Variants in EIF3L observed in about 807,000 individuals in gnomAD.
EIF3L encodes eukaryotic translation initiation factor 3 subunit L.
Under a neutral mutation model 74.6 loss-of-function variants are expected in EIF3L, and 32 were observed. The ratio of observed to expected loss-of-function variants is 0.43; its 90% CI spans 0.32 to 0.58. The LOEUF is 0.58. Ranked by LOEUF, EIF3L falls within the 20% of genes least tolerant of loss-of-function variation. The pLI, the probability that EIF3L is intolerant of heterozygous loss-of-function variation, is 0.06. For missense variants in EIF3L, 474 were observed against 707.8 expected (o/e 0.67, Z 3.75); for synonymous variants, 256 against 254.4 (o/e 1.01, Z -0.06).
At position 37,877,702 on chromosome 22, in the gene EIF3L, C is replaced by T. The variant is rs762298655; in HGVS notation, c.1106C>T (p.Ala369Val). 10 of 1,608,542 alleles carry T rather than the reference C, an allele frequency of 6.2e-6. No individual in the cohort carries two copies. Among genetic ancestry groups the T allele is most frequent in the East Asian group, 2.2e-5 (1 of 44,848 alleles). Residue 369 changes from alanine to valine, a missense_variant, in exon 11 of 13, where the codon GCG becomes GTG. Ala to Val is a moderately conservative substitution (Grantham distance 64). Around this residue, in one of 4 missense-constraint regions of EIF3L, gnomAD observed 293 missense variants for 469.1 expected, o/e 0.62. Coordinates refer to ENST00000652021, the MANE Select transcript of EIF3L (RefSeq NM_016091.4). ...AACAAGCAGAATGAGCAGATGCATG[C>T]GCTGCTGGCCATTGCCCTCACGATG... The part of the protein sequence containing the change: ...MINKQNEQMH[A>V]LLAIALTMYP...
chr22:37,854,252 A>C (rs1925378326), intron 3 of EIF3L, among the ~76,000 whole-genome samples: 1 of 152,222 alleles, frequency 6.6e-6, no homozygotes, highest in Admixed American at 6.5e-5. Flanking sequence ...TGAGGAAGAG[A>C]GTATCACCAA....
At chr22:37,884,598 G>A (rs1369167904) in intron 11 of EIF3L, 4 of 152,072 alleles carry the variant, frequency 2.6e-5, no homozygotes, top group East Asian at 3.8e-4. Flanking sequence ...GTAATAACAC[G>A]TCAGTAGTGG....
At chr22:37,887,040 C>A in intron 12 of EIF3L, 195 bp downstream of exon 12, 1 of 410,480 alleles carries the variant, frequency 2.4e-6, no homozygotes, top group Non-Finnish European at 4.8e-6. Context: ...GCGAGTCTCC[C>A]TCCTCAGCCT....
intron 11 of EIF3L, chr22:37,882,691 A>G (rs1439623369): frequency 6.6e-6 from 1 of 151,496 alleles, no homozygotes; most frequent in African/African-American, 2.4e-5. Flanking sequence ...AAAGAAAAAA[A>G]CATAATTTTT....
chr22:37,886,914 CTT>C, intron 12 of EIF3L, 69 bp downstream of exon 12: 1 of 1,290,500 alleles, frequency 7.7e-7, no homozygotes, highest in Non-Finnish European at 1.1e-6. Flanking sequence ...CGAGAGTTTA[CTT>C]TTTTTTAATT....
In EIF3L at chr22:37,851,172, G is replaced by A. The variant is rs1488363473; in HGVS notation, c.83-108G>A. The A allele has an allele frequency of 3.7e-6, 3 of 813,548 alleles. No individual in the cohort carries two copies. The East Asian group carries it at 7.7e-5, about 21-fold the overall frequency. 50.4% of individuals were successfully genotyped at this position (813,548 alleles called of 1,614,324 possible). On this transcript the variant is annotated intron_variant, in intron 2 of 12. Coordinates refer to ENST00000652021, the MANE Select transcript of EIF3L (RefSeq NM_016091.4). ...TGTTTGTATCTCTGAGTATTCAAAAGGGAATTTTACGCAGACCTGAGTTTA... is the reference window on the plus strand; with the variant it reads ...TGTTTGTATCTCTGAGTATTCAAAAAGGAATTTTACGCAGACCTGAGTTTA...
intron 10 of EIF3L, chr22:37,876,646 G>C (rs746789134): frequency 6.6e-6 from 1 of 152,120 alleles, no homozygotes; most frequent in Admixed American, 6.6e-5. Context: ...TTTCTGTTGT[G>C]ATGCCTGTTA....
chr22:37,869,613 C>A (rs1926365236), intron 7 of EIF3L, among the ~76,000 whole-genome samples: 1 of 152,108 alleles, frequency 6.6e-6, no homozygotes, highest in African/African-American at 2.4e-5. Context: ...TACTTCTGTC[C>A]CAAACAGATT....
intron 5 of EIF3L, among the ~76,000 whole-genome samples, chr22:37,861,146 T>C (rs1050775182): frequency 1.5e-4 from 23 of 152,142 alleles, no homozygotes; most frequent in Non-Finnish European, 1.5e-5. Context: ...ATTGAGCATG[T>C]GTGTGCTTGC....
At chr22:37,872,467 A>T (rs552005639) in intron 8 of EIF3L, among the ~76,000 whole-genome samples, 94 of 152,202 alleles carry the variant, frequency 6.2e-4, no homozygotes, top group Middle Eastern at 3.4e-3. Flanking sequence ...AGTTATAAAG[A>T]TCTTCCAAAT....
At chr22:37,849,787 T>G in intron 1 of EIF3L, 1 of 610,410 alleles carries the variant, frequency 1.6e-6, no homozygotes, top group Non-Finnish European at 2.9e-6. Context: ...ATCTCGCTGA[T>G]TCCCACAGCC....
chr22:37,888,253 G>A (rs1601789532), intron 12 of EIF3L, 173 bp from the exon 13 acceptor site: 1 of 641,902 alleles, frequency 1.6e-6, no homozygotes, highest in East Asian at 2.7e-5. Flanking sequence ...CGTGAACTGT[G>A]CAGGGCCATA....
intron 7 of EIF3L, among the ~76,000 whole-genome samples, chr22:37,864,391 C>T (rs1926031587): frequency 6.6e-6 from 1 of 152,090 alleles, no homozygotes; most frequent in African/African-American, 2.4e-5. Context: ...GATCAGAATA[C>T]AATAGAACAT....
intron 3 of EIF3L, among the ~76,000 whole-genome samples, chr22:37,853,000 C>T (rs1282464386): frequency 1.3e-5 from 2 of 152,168 alleles, no homozygotes; most frequent in African/African-American, 2.4e-5. Flanking sequence ...GTTGAAGTGA[C>T]ACAACACCAA....
intron 2 of EIF3L, chr22:37,850,572 C>G (rs754730660): frequency 5.0e-4 from 93 of 185,740 alleles, no homozygotes; most frequent in Non-Finnish European, 8.3e-4. Flanking sequence ...CTCCTGACCT[C>G]AGGTGATCCA....
At chr22:37,888,340 G>A in intron 12 of EIF3L, 86 bp from the exon 13 acceptor site, 2 of 1,440,144 alleles carry the variant, frequency 1.4e-6, no homozygotes, top group South Asian at 2.4e-5. Context: ...AGGGGCAGCT[G>A]GGAATCTGAC....
chr22:37,865,637 C>T (rs765844845), intron 7 of EIF3L, among the ~76,000 whole-genome samples: 3 of 152,084 alleles, frequency 2.0e-5, no homozygotes, highest in Non-Finnish European at 2.9e-5. Context: ...TGAACCGTTA[C>T]GAGTGGTGAG....
chr22:37,869,044 G>A (rs1165215523), intron 7 of EIF3L, among the ~76,000 whole-genome samples: 1 of 152,062 alleles, frequency 6.6e-6, no homozygotes, highest in East Asian at 1.9e-4. Flanking sequence ...CAAAGTGCTG[G>A]GATTATAGGC....
chr22:37,854,433 G>GTTT (rs1221522669), intron 3 of EIF3L, among the ~76,000 whole-genome samples: 3 of 152,108 alleles, frequency 2.0e-5, no homozygotes, highest in Non-Finnish European at 4.4e-5. Flanking sequence ...GGGTCACTGA[G>GTTT]TGGCTTTGTG....
Sources: allele counts gnomAD v4.1 joint callset (sites outside exome capture counted in the v4.1 genomes callset), GRCh38; gene constraint gnomAD v4.1.1; regional missense constraint gnomAD v4.1.1; transcripts MANE v1.5; gene names NCBI Gene and HGNC (gene_info 2026-07-23, HGNC 2026-07-21).